The following NALCN variants were observed in gnomAD, a reference collection of about 807,000 sequenced individuals.
NALCN encodes the protein sodium leak channel, non-selective.
A neutral mutation model predicts 225.3 loss-of-function variants in NALCN; 111 were observed. The observed-to-expected ratio is 0.49, with a 90% CI of 0.42 to 0.58. NALCN has a LOEUF of 0.58. Among genes scored for constraint, NALCN ranks in the 20% least tolerant of loss-of-function variants. The pLI is 0.00. For synonymous variants in NALCN, 764 were observed against 769.0 expected (o/e 0.99, Z 0.11); for missense variants, 1,378 against 2,202.4 (o/e 0.63, Z 7.49).
chr13:101,337,777 G>A (rs1426610937), intron 7 of NALCN, among the ~76,000 whole-genome samples: 1 of 152,200 alleles, frequency 6.6e-6, no homozygotes, highest in Non-Finnish European at 1.5e-5. Flanking sequence ...CCACAGGAAT[G>A]AAGGTTACTC....
At chr13:101,115,115 T>C (rs2035642647) in intron 18 of NALCN, among the ~76,000 whole-genome samples, 1 of 152,190 alleles carries the variant, frequency 6.6e-6, no homozygotes, top group Non-Finnish European at 1.5e-5. Context: ...TTTTGAAGCA[T>C]GAAAATAATC....
intron 7 of NALCN, among the ~76,000 whole-genome samples, chr13:101,302,124 C>T (rs1461409971): frequency 2.6e-5 from 4 of 152,140 alleles, no homozygotes; most frequent in Non-Finnish European, 5.9e-5. Context: ...ATAAAAAATT[C>T]ATAATAGTCC....
At chr13:101,094,257 C>T (rs1594190420) in intron 28 of NALCN, among the ~76,000 whole-genome samples, 2 of 152,134 alleles carry the variant, frequency 1.3e-5, no homozygotes, top group African/African-American at 4.8e-5. Flanking sequence ...ACCCTGCTCT[C>T]CAGATGGTGA....
chr13:101,181,529 A>C (rs2139963330), intron 14 of NALCN, among the ~76,000 whole-genome samples: 1 of 150,450 alleles, frequency 6.6e-6, no homozygotes, highest in Admixed American at 6.6e-5. Context: ...GGATTGCTTG[A>C]CCCCAGGAAT....
At chr13:101,381,077 T>C (rs1403619762) in intron 3 of NALCN, among the ~76,000 whole-genome samples, 1 of 152,050 alleles carries the variant, frequency 6.6e-6, no homozygotes, top group Non-Finnish European at 1.5e-5. Flanking sequence ...ACAAATAATG[T>C]TTTCAGGGGC....
chr13:101,067,519 C>T (rs2032522357), intron 39 of NALCN, among the ~76,000 whole-genome samples: 1 of 152,174 alleles, frequency 6.6e-6, no homozygotes, highest in East Asian at 1.9e-4. Context: ...CCTTCAGATG[C>T]CACTTAAATA....
At chr13:101,069,538 A>G (rs539003034) in intron 37 of NALCN, among the ~76,000 whole-genome samples, 1 of 152,238 alleles carries the variant, frequency 6.6e-6, no homozygotes, top group East Asian at 1.9e-4. Context: ...GTGGCTGCTG[A>G]AGGTTGGGGT....
At position 101,208,773 on chromosome 13, in the gene NALCN, C is replaced by T. The variant is rs529627419; in HGVS notation, c.1627-16719G>A. 3.3e-5 allele frequency among the ~76,000 whole-genome samples: 5 copies of T among 152,310 alleles called. No homozygotes were observed. In the East Asian group the frequency reaches 7.7e-4, roughly 24 times the overall value. ...TTGAAAGAGTTGGCGCCTCCTCTCT[C>T]TTTTGTTTCTGTTCTCGCCATGTGA... is the stretch of plus-strand genomic sequence containing the variant. On this transcript the variant is annotated intron_variant, in intron 13 of 43. Transcript: ENST00000251127.
intron 6 of NALCN, among the ~76,000 whole-genome samples, chr13:101,369,507 C>T (rs960450454): frequency 6.6e-6 from 1 of 152,090 alleles, no homozygotes; most frequent in African/African-American, 2.4e-5. Flanking sequence ...TCAATTTCTG[C>T]GATCATTTAT....
At chr13:101,196,716 G>A (rs1333746) in intron 13 of NALCN, among the ~76,000 whole-genome samples, 34,003 of 151,982 alleles carry the variant, frequency 0.22, 3,927 homozygotes, top group East Asian at 0.37. Context: ...ATTCAGGTAG[G>A]TTCAGGAAAT....
At chr13:101,081,326 C>T (rs909087062) in intron 34 of NALCN, among the ~76,000 whole-genome samples, 5 of 152,012 alleles carry the variant, frequency 3.3e-5, no homozygotes, top group African/African-American at 7.3e-5. Flanking sequence ...CAGGTTTTGC[C>T]TGTGTGAAGA....
intron 11 of NALCN, among the ~76,000 whole-genome samples, chr13:101,241,016 T>C (rs993427708): frequency 6.6e-6 from 1 of 152,240 alleles, no homozygotes; most frequent in African/African-American, 2.4e-5. Context: ...TTATCATTCA[T>C]TCTGTACAGT....
intron 13 of NALCN, among the ~76,000 whole-genome samples, chr13:101,194,704 T>C (rs2039819025): frequency 6.6e-6 from 1 of 152,148 alleles, no homozygotes; most frequent in African/African-American, 2.4e-5. Flanking sequence ...GGATCAATTC[T>C]CAAAAAGGAA....
chr13:101,069,747 TC>T (rs2032712644), intron 37 of NALCN, among the ~76,000 whole-genome samples: 1 of 152,216 alleles, frequency 6.6e-6, no homozygotes, highest in Non-Finnish European at 1.5e-5. Context: ...ACATTATAAA[TC>T]CTTTGTTGTC....
At chr13:101,095,705 G>A (rs772676587) in intron 27 of NALCN, 25 bp from the exon 28 acceptor site, 8 of 1,543,036 alleles carry the variant, frequency 5.2e-6, no homozygotes, top group East Asian at 2.3e-5. Context: ...CAAGAGGAGA[G>A]GGGAAACCTG....
At chr13:101,237,688 A>C in intron 12 of NALCN, 67 bp downstream of exon 12, 1 of 974,098 alleles carries the variant, frequency 1.0e-6, no homozygotes, top group Non-Finnish European at 1.4e-6. Flanking sequence ...TTGTTAAAAT[A>C]ATGTGACAGG....
At chr13:101,359,572 G>A (rs1041759270) in intron 6 of NALCN, among the ~76,000 whole-genome samples, 12 of 149,868 alleles carry the variant, frequency 8.0e-5, no homozygotes, top group African/African-American at 1.5e-4. Context: ...ACAGACTGTC[G>A]CACTACAGAG....
In NALCN at chr13:101,124,648, T is replaced by C. The variant is rs757969791; in HGVS notation, c.2152A>G (p.Asn718Asp). 2.5e-6 allele frequency: 4 copies of C among 1,614,118 alleles called. No individual in the cohort carries two copies. The highest frequency in any genetic ancestry group is 1.7e-5 in the Admixed American group (1 of 60,010). ...RKSVFSIRAR[N>D]LLEKETAVTK... ...ACTGCGGTCTCCTTTTCCAGAAGGT[T>C]CCTTGCCCTGATGCTGAAAACAGAC... Residue 718 changes from asparagine to aspartate, a missense_variant, in exon 18 of 44, where the codon AAC (asparagine) becomes GAC (aspartate). Around this residue, in one of 19 missense-constraint regions of NALCN, gnomAD observed 100 missense variants for 89.4 expected, o/e 1.12. Transcript: ENST00000251127.
At chr13:101,264,927 C>T (rs1036124731) in intron 10 of NALCN, among the ~76,000 whole-genome samples, 2 of 152,158 alleles carry the variant, frequency 1.3e-5, no homozygotes, top group Non-Finnish European at 2.9e-5. Context: ...ATTACAGACT[C>T]TCATAAAGTT....
Sources: gnomAD v4.1 joint callset for allele counts (sites outside exome capture counted in the v4.1 genomes callset) on GRCh38, gnomAD v4.1.1 for gene constraint, gnomAD v4.1.1 regional missense constraint, MANE v1.5 for transcripts, NCBI Gene and HGNC (gene_info 2026-07-23, HGNC 2026-07-21) for gene names.